STK31: variants seen among roughly 807,000 people sequenced by gnomAD.
The protein encoded by STK31 is serine/threonine-protein kinase 31.
STK31 carries 89 observed loss-of-function variants against 129.7 expected under a neutral mutation model. That is an observed-to-expected ratio of 0.69 (90% CI 0.58 to 0.82). STK31 has a LOEUF of 0.82. Ranked by LOEUF, STK31 falls within the 40% of genes least tolerant of loss-of-function variation. The probability of loss-of-function intolerance (pLI) is 0.00; values close to 1 mark genes in which losing one functional copy is unlikely to be tolerated. For missense variants in STK31, 1,187 were observed against 1,176.4 expected, an observed-to-expected ratio of 1.01 and a Z score of -0.13; for synonymous variants, 448 against 395.3, an observed-to-expected ratio of 1.13 and a Z score of -1.58.
chr7:23,824,121 C>T (rs936702841), intron 23 of STK31, among the ~76,000 whole-genome samples: 3 of 152,106 alleles, frequency 2.0e-5, no homozygotes, highest in Admixed American at 2.0e-4. Flanking sequence ...GTAGTTTTTT[C>T]CAATTCTGTG....
At position 23,807,597 on chromosome 7, in the gene STK31, G is replaced by C. The variant is rs374086776; in HGVS notation, c.2761-7547G>C. 2.3e-4 allele frequency among the ~76,000 whole-genome samples: 35 copies of C among 152,138 alleles called. No individual in the cohort carries two copies. The East Asian group carries it at 6.4e-3, about 28-fold the overall frequency. On this transcript the variant is annotated intron_variant, in intron 22 of 23. Coordinates refer to ENST00000355870, the MANE Select transcript of STK31 (RefSeq NM_031414.5). ...GGGCTTATGTTTTTCAACAAATGTGGGAAGTTCAGCAATTATTTACTCAAA... is the reference window on the plus strand; with the variant it reads ...GGGCTTATGTTTTTCAACAAATGTGCGAAGTTCAGCAATTATTTACTCAAA...
At chr7:23,729,431 GATAAGA>G (rs1262504431) in intron 6 of STK31, among the ~76,000 whole-genome samples, 182 bp downstream of exon 6, 1 of 151,508 alleles carries the variant, frequency 6.6e-6, no homozygotes, top group African/African-American at 2.4e-5. Flanking sequence ...ACATTGAACA[GATAAGA>G]ATGACATACA....
At chr7:23,755,668 A>G (rs76804110) in intron 10 of STK31, among the ~76,000 whole-genome samples, 37,840 of 152,010 alleles carry the variant, frequency 0.25, 5,103 homozygotes, top group East Asian at 0.39. Context: ...TCTAGAGTTA[A>G]TTTTTGTGTA....
intron 22 of STK31, among the ~76,000 whole-genome samples, chr7:23,793,941 G>T (rs1562608025): frequency 1.3e-5 from 2 of 152,152 alleles, no homozygotes; most frequent in South Asian, 2.1e-4. Context: ...AATATTGAAA[G>T]AATTTATGTG....
At position 23,783,572 on chromosome 7, in the gene STK31, T is replaced by C; in HGVS notation, c.2068-11T>C. On this transcript the variant is annotated splice_polypyrimidine_tract_variant and intron_variant, in intron 16 of 23. Coordinates refer to ENST00000355870, the MANE Select transcript of STK31 (RefSeq NM_031414.5). ...GATCTACAGTTAAAAACTTTTTTTT[T>C]TTAACTTTAGGAGATGCTAACTAGT... 6.3e-7 allele frequency: 1 copy of C among 1,593,024 alleles called. No individual in the cohort carries two copies. The highest frequency in any genetic ancestry group is 8.5e-7 in the Non-Finnish European group (1 of 1,175,672).
At chr7:23,783,536 G>A in intron 16 of STK31, 47 bp from the exon 17 acceptor site, 1 of 1,381,280 alleles carries the variant, frequency 7.2e-7, no homozygotes, top group Non-Finnish European at 1.0e-6. Flanking sequence ...TGTCAAAATT[G>A]AATATATATT....
At chr7:23,800,790 C>G (rs1036632267) in intron 22 of STK31, among the ~76,000 whole-genome samples, 5 of 151,894 alleles carry the variant, frequency 3.3e-5, no homozygotes, top group Non-Finnish European at 5.9e-5. Flanking sequence ...AAAATAATAT[C>G]ATATTAGTGG....
chr7:23,756,025 C>A (rs1337160035), intron 10 of STK31, among the ~76,000 whole-genome samples: 3 of 152,238 alleles, frequency 2.0e-5, no homozygotes, highest in African/African-American at 7.2e-5. Flanking sequence ...TTTTCTAATT[C>A]TGTGAAGAAT....
At chr7:23,713,664 A>C (rs1205586538) in intron 3 of STK31, among the ~76,000 whole-genome samples, 1 of 152,082 alleles carries the variant, frequency 6.6e-6, no homozygotes, top group Non-Finnish European at 1.5e-5. Context: ...TTAAAAACGA[A>C]GACAAGATCT....
chr7:23,793,781 G>C (rs1293730027), intron 22 of STK31, among the ~76,000 whole-genome samples: 1 of 152,174 alleles, frequency 6.6e-6, no homozygotes, highest in African/African-American at 2.4e-5. Flanking sequence ...ATATTGCCCA[G>C]GGGAATGTAA....
At chr7:23,799,835 C>G (rs1353930066) in intron 22 of STK31, among the ~76,000 whole-genome samples, 1 of 152,026 alleles carries the variant, frequency 6.6e-6, no homozygotes, top group Non-Finnish European at 1.5e-5. Flanking sequence ...TTGCAATCTA[C>G]CCATCTGACA....
At chr7:23,721,854 C>T in intron 4 of STK31, 1 of 482,126 alleles carries the variant, frequency 2.1e-6, no homozygotes, top group Non-Finnish European at 3.8e-6. Flanking sequence ...CCCTTTCTTC[C>T]ACTTGATCAA....
rs10677070 is a variant in STK31 at position 23,765,558 on chromosome 7, C to CT, written c.1416+2651dup. ...CTTTTTCTAACTTACACCTCTTATA[C>CT]TTTTTTTTTTTTTTTTGAGATGGAG... On this transcript the variant is annotated intron_variant, in intron 11 of 23. Transcript: ENST00000355870. 6.6e-3 allele frequency among the ~76,000 whole-genome samples: 856 copies of CT among 129,590 alleles called. 45 individuals are homozygous for CT. The highest frequency in any genetic ancestry group is 0.017 in the African/African-American group (599 of 34,510). 85.0% of individuals were successfully genotyped at this position (129,590 alleles called of 152,430 possible).
In STK31 at chr7:23,832,391, G is replaced by T. The variant is rs200866998; in HGVS notation, c.*25G>T. 1 of 1,540,802 alleles carries T rather than the reference G, an allele frequency of 6.5e-7. No individual in the cohort carries two copies. Among genetic ancestry groups the T allele is most frequent in the East Asian group, 2.3e-5 (1 of 43,812 alleles). The stretch of plus-strand genomic sequence containing the variant: ...AATTATTATTGTTGTTGTTGCAGAG[G>T]TTCTTTTTAAAAACTTTGGTTTGGT... On this transcript the variant is annotated 3_prime_UTR_variant, in exon 24 of 24. Transcript: ENST00000355870.
intron 22 of STK31, among the ~76,000 whole-genome samples, chr7:23,804,436 A>G (rs1175584884): frequency 6.6e-6 from 1 of 152,106 alleles, no homozygotes; most frequent in African/African-American, 2.4e-5. Context: ...TGGGCACTCA[A>G]ATATTAGTTG....
chr7:23,795,163 A>G (rs1199434772), intron 22 of STK31, among the ~76,000 whole-genome samples: 1 of 152,220 alleles, frequency 6.6e-6, no homozygotes, highest in Non-Finnish European at 1.5e-5. Flanking sequence ...CTAGGAGGAA[A>G]AAATGGTTTC....
At chr7:23,793,156 G>A (rs888757977) in intron 22 of STK31, among the ~76,000 whole-genome samples, 1 of 152,164 alleles carries the variant, frequency 6.6e-6, no homozygotes, top group Non-Finnish European at 1.5e-5. Flanking sequence ...TGGGTAAAAG[G>A]AGAATCTTCA....
At chr7:23,759,694 A>G (rs1244544833) in intron 10 of STK31, among the ~76,000 whole-genome samples, 1 of 152,174 alleles carries the variant, frequency 6.6e-6, no homozygotes, top group African/African-American at 2.4e-5. Context: ...TCCCTTGGTA[A>G]TGTGATAAAA....
At chr7:23,719,951 T>C (rs2128064966) in intron 4 of STK31, among the ~76,000 whole-genome samples, 1 of 152,246 alleles carries the variant, frequency 6.6e-6, no homozygotes, top group East Asian at 1.9e-4. Context: ...TTTTTTCCCT[T>C]TAAGAAATAT....
Sources: gnomAD v4.1 joint callset for allele counts (sites outside exome capture counted in the v4.1 genomes callset) on GRCh38, gnomAD v4.1.1 for gene constraint, MANE v1.5 for transcripts, NCBI Gene and HGNC (gene_info 2026-07-23, HGNC 2026-07-21) for gene names.